The following CRISPLD2 variants were observed in gnomAD, a reference collection of about 807,000 sequenced individuals.
CRISPLD2 encodes cysteine-rich secretory protein LCCL domain-containing 2.
CRISPLD2 carries 47 observed loss-of-function variants against 71.1 expected under a neutral mutation model. The observed-to-expected ratio is 0.66, with a 90% confidence interval of 0.52 to 0.84. The LOEUF (loss-of-function observed/expected upper bound fraction) is 0.84. Ranked by LOEUF, CRISPLD2 falls within the 40% of genes least tolerant of loss-of-function variation. The pLI is 0.00. For missense variants in CRISPLD2, 830 were observed against 651.1 expected (o/e 1.27, Z -2.99); for synonymous variants, 317 against 250.1 (o/e 1.27, Z -2.52).
chr16:84,906,630 T>C lies in CRISPLD2; in HGVS notation c.1482T>C (p.Ala494=). 6.2e-7 allele frequency: 1 copy of C among 1,614,018 alleles called. No individual in the cohort carries two copies. Among genetic ancestry groups the C allele is most frequent in the Non-Finnish European group, 8.5e-7 (1 of 1,180,032 alleles). Residue 494 remains alanine (A), a synonymous_variant, in exon 15 of 15, where the codon GCT becomes GCC. Transcript: ENST00000262424. ...PRDGKAFRIF[A]VRQ is the part of the protein sequence containing the mutation. ...ATGGAAAGGCCTTCCGGATCTTTGCTGTCAGGCAGTGAATTTCCAGCACCA... is the reference window on the plus strand; with the variant it reads ...ATGGAAAGGCCTTCCGGATCTTTGCCGTCAGGCAGTGAATTTCCAGCACCA...
intron 6 of CRISPLD2, among the ~76,000 whole-genome samples, chr16:84,863,363 A>G (rs533032077): frequency 3.1e-4 from 47 of 152,348 alleles, no homozygotes; most frequent in African/African-American, 1.1e-3. Flanking sequence ...GCACGCAGCA[A>G]GTCTCCTCTG....
At chr16:84,873,570 G>C (rs1197476622) in intron 10 of CRISPLD2, 1 of 183,480 alleles carries the variant, frequency 5.5e-6, no homozygotes, top group African/African-American at 2.6e-5. Flanking sequence ...TTTATAATTT[G>C]ATCATGATAT....
chr16:84,850,654 G>T lies in CRISPLD2; in HGVS notation c.579G>T (p.Ala193=), dbSNP rs373699416. The part of the protein sequence containing the change: ...MTVWGEVWEN[A]VYFVCNYSPK... ...TCTGGGGAGAAGTTTGGGAGAACGC[G>T]GTCTACTTTGTCTGCAATTATTCTC... Residue 193 remains alanine, a synonymous_variant, in exon 5 of 15, where the codon GCG becomes GCT. Coordinates refer to ENST00000262424, the MANE Select transcript of CRISPLD2 (RefSeq NM_031476.4). 7 of 1,613,956 alleles carry T rather than the reference G, an allele frequency of 4.3e-6. No homozygotes were observed. The highest frequency in any genetic ancestry group is 1.3e-5 in the African/African-American group (1 of 74,900).
chr16:84,885,808 C>T (rs1198209359), intron 13 of CRISPLD2, among the ~76,000 whole-genome samples: 1 of 138,326 alleles, frequency 7.2e-6, no homozygotes, highest in Non-Finnish European at 1.6e-5. Context: ...ATGTTGGATC[C>T]CTTCTTTTTT....
At chr16:84,849,171 C>T (rs1917002729) in intron 3 of CRISPLD2, 1 of 546,996 alleles carries the variant, frequency 1.8e-6, no homozygotes, top group Non-Finnish European at 3.3e-6. Flanking sequence ...ACCTCGGCCT[C>T]CCTCCCTCCT....
Position 84,907,016 on chromosome 16 carries a change from C to G in CRISPLD2, c.*374C>G, listed in dbSNP as rs577888035. On this transcript the variant is annotated 3_prime_UTR_variant, in exon 15 of 15. Transcript: ENST00000262424. ...CAACCTCCCTGCCAAAAGAACAAAC[C>G]ATTTGAAGCTCACAATTGTGAAGCA... 3.2e-4 allele frequency: 89 copies of G among 281,498 alleles called. 1 individual carries two copies. The highest frequency in any genetic ancestry group is 2.9e-3 in the South Asian group (75 of 26,066). 17.4% of individuals were successfully genotyped at this position (281,498 alleles called of 1,614,324 possible).
At chr16:84,894,330 T>C (rs1309229788) in intron 14 of CRISPLD2, among the ~76,000 whole-genome samples, 1 of 152,240 alleles carries the variant, frequency 6.6e-6, no homozygotes, top group African/African-American at 2.4e-5. Context: ...CAGAACCATT[T>C]TTTAACACAG....
intron 12 of CRISPLD2, among the ~76,000 whole-genome samples, chr16:84,879,336 G>A (rs552996745): frequency 6.6e-6 from 1 of 151,496 alleles, no homozygotes; most frequent in Admixed American, 6.6e-5. Context: ...AAAGAATGGA[G>A]ACTGTTCTTA....
chr16:84,863,840 T>C (rs1316248590), intron 6 of CRISPLD2, among the ~76,000 whole-genome samples: 1 of 151,396 alleles, frequency 6.6e-6, no homozygotes, highest in Non-Finnish European at 1.5e-5. Context: ...TGGTGGCGCA[T>C]GCCTGTAATC....
intron 13 of CRISPLD2, 86 bp downstream of exon 13, chr16:84,880,670 C>A: frequency 2.1e-6 from 2 of 937,178 alleles, no homozygotes; most frequent in Non-Finnish European, 3.4e-6. Flanking sequence ...ATACTTGAAA[C>A]TTTATTCCAG....
intron 11 of CRISPLD2, among the ~76,000 whole-genome samples, chr16:84,875,851 C>G (rs1408510188): frequency 6.6e-6 from 1 of 151,772 alleles, no homozygotes; most frequent in Non-Finnish European, 1.5e-5. Context: ...CATGCGTGAG[C>G]CATTGCACCC....
intron 13 of CRISPLD2, among the ~76,000 whole-genome samples, chr16:84,887,497 G>A (rs979277253): frequency 6.6e-6 from 1 of 152,240 alleles, no homozygotes; most frequent in African/African-American, 2.4e-5. Flanking sequence ...TGCTGCCGGG[G>A]ACTGATCAGG....
chr16:84,906,459 G>A, intron 14 of CRISPLD2, 129 bp from the exon 15 acceptor site: 1 of 857,918 alleles, frequency 1.2e-6, no homozygotes, highest in Non-Finnish European at 1.8e-6. Flanking sequence ...TCAAGGAAGT[G>A]TCCCTTGGCC....
At chr16:84,832,998 T>C (rs1916524508) in intron 1 of CRISPLD2, among the ~76,000 whole-genome samples, 1 of 152,206 alleles carries the variant, frequency 6.6e-6, no homozygotes, top group Non-Finnish European at 1.5e-5. Context: ...GAGCTCATAG[T>C]GCAAACAAGC....
In CRISPLD2 at chr16:84,849,471, G is replaced by C. The variant is rs780473680; in HGVS notation, c.446G>C (p.Trp149Ser). 8.7e-6 allele frequency: 14 copies of C among 1,614,000 alleles called. No homozygotes were observed. The highest frequency in any genetic ancestry group is 1.2e-5 in the Non-Finnish European group (14 of 1,179,990). ...CCCTACCCGAGCGAGTGCAACCCCT[G>C]GTGTCCAGAGAGGTGCTCGGGGCCC... ...TYPYPSECNP[W>S]CPERCSGPMC... Residue 149 changes from tryptophan to serine, a missense_variant, in exon 4 of 15, where the codon TGG becomes TCG. Trp to Ser is a radical substitution (Grantham distance 177). Coordinates refer to ENST00000262424, the MANE Select transcript of CRISPLD2 (RefSeq NM_031476.4).
chr16:84,874,866 C>T (rs1441423405), intron 11 of CRISPLD2, among the ~76,000 whole-genome samples: 1 of 152,162 alleles, frequency 6.6e-6, no homozygotes, highest in East Asian at 1.9e-4. Flanking sequence ...AAAGTATGTA[C>T]ATTGGTAATA....
intron 11 of CRISPLD2, 77 bp from the exon 12 acceptor site, chr16:84,877,361 G>T: frequency 7.6e-7 from 1 of 1,315,102 alleles, no homozygotes; most frequent in Non-Finnish European, 1.1e-6. Flanking sequence ...GTAGTCTAGT[G>T]GCCCATTGCA....
intron 14 of CRISPLD2, among the ~76,000 whole-genome samples, chr16:84,901,615 G>A (rs1175149321): frequency 6.6e-6 from 1 of 150,570 alleles, no homozygotes; most frequent in Non-Finnish European, 1.5e-5. Context: ...GGGATTACAG[G>A]CATCTGCCAC....
intron 7 of CRISPLD2, among the ~76,000 whole-genome samples, chr16:84,867,645 C>T (rs557309093): frequency 6.6e-6 from 1 of 152,324 alleles, no homozygotes; most frequent in East Asian, 1.9e-4. Context: ...CGGCTCACTG[C>T]AACCTTTGCC....
Sources: allele counts gnomAD v4.1 joint callset (sites outside exome capture counted in the v4.1 genomes callset), GRCh38; gene constraint gnomAD v4.1.1; transcripts MANE v1.5; gene names NCBI Gene and HGNC (gene_info 2026-07-23, HGNC 2026-07-21).